The following FH variants were observed in gnomAD, a reference collection of about 807,000 sequenced individuals.
The protein encoded by FH is fumarate hydratase, mitochondrial.
FH carries 22 observed loss-of-function variants against 49.4 expected under a neutral mutation model. The ratio of observed to expected loss-of-function variants is 0.45; its 90% CI spans 0.32 to 0.64. The LOEUF is 0.64. Among genes scored for constraint, FH ranks in the 30% least tolerant of loss-of-function variants. The probability of loss-of-function intolerance (pLI) is 0.05; values close to 1 mark genes in which losing one functional copy is unlikely to be tolerated. For synonymous variants in FH, 208 were observed against 223.0 expected, an observed-to-expected ratio of 0.93 and a Z score of 0.60; for missense variants, 526 against 641.5, an observed-to-expected ratio of 0.82 and a Z score of 1.95.
In FH at chr1:241,519,575, G is replaced by C; in HGVS notation, c.132+16C>G. 6.5e-7 allele frequency: 1 copy of C among 1,545,476 alleles called. No individual in the cohort carries two copies. The highest frequency in any genetic ancestry group is 8.7e-7 in the Non-Finnish European group (1 of 1,145,322). On this transcript the variant is annotated intron_variant, in intron 1 of 9. Transcript: ENST00000366560. ...GGTCACTGCGGGGAGGCCGGGGGATGGCGGCCTGCGCTCACCATTCGAGCC... is the reference window on the plus strand; with the variant it reads ...GGTCACTGCGGGGAGGCCGGGGGATCGCGGCCTGCGCTCACCATTCGAGCC...
chr1:241,499,092 T>C (rs1659701192), intron 9 of FH, among the ~76,000 whole-genome samples: 1 of 152,116 alleles, frequency 6.6e-6, no homozygotes, highest in Admixed American at 6.6e-5. Flanking sequence ...CCAGTACTTT[T>C]ATTTTAATAA....
chr1:241,502,551 C>A lies in FH; in HGVS notation c.1128G>T (p.Gln376His), dbSNP rs1467002768. 2 of 1,613,992 alleles carry A rather than the reference C, an allele frequency of 1.2e-6. No homozygotes were observed. The highest frequency in any genetic ancestry group is 1.3e-5 in the African/African-American group (1 of 74,906). Residue 376 changes from glutamine to histidine, a missense_variant, in exon 8 of 10, where the codon CAG (glutamine) becomes CAT (histidine). Gln to His is a conservative substitution (Grantham distance 24). Transcript: ENST00000366560. The stretch of plus-strand genomic sequence containing the variant: ...CTGCAACCATGGTCATTGCTTCACA[C>A]TGAGTAGGGTTCACCTTGCCTTCAA... Reference protein sequence around the residue: ...SIMPGKVNPTQCEAMTMVAAQ... With the variant: ...SIMPGKVNPTHCEAMTMVAAQ...
chr1:241,516,278 A>T (rs944238235), intron 2 of FH, among the ~76,000 whole-genome samples: 1 of 152,194 alleles, frequency 6.6e-6, no homozygotes, highest in Non-Finnish European at 1.5e-5. Flanking sequence ...TCCATCAATA[A>T]AGGATAAAGA....
intron 4 of FH, among the ~76,000 whole-genome samples, chr1:241,510,166 A>G (rs971745761): frequency 6.6e-6 from 1 of 152,222 alleles, no homozygotes; most frequent in African/African-American, 2.4e-5. Flanking sequence ...TTAAAAATAT[A>G]TTAAATTATA....
At chr1:241,504,290 A>C in intron 6 of FH, 45 bp from the exon 7 acceptor site, 1 of 1,558,330 alleles carries the variant, frequency 6.4e-7, no homozygotes, top group Non-Finnish European at 8.8e-7. Context: ...AAGTTAAACT[A>C]AACATTTTTC....
intron 5 of FH, among the ~76,000 whole-genome samples, chr1:241,507,087 C>A (rs1364383862): frequency 6.6e-6 from 1 of 152,144 alleles, no homozygotes; most frequent in Non-Finnish European, 1.5e-5. Flanking sequence ...AGTCACGCAC[C>A]ACATAATGAT....
chr1:241,501,021 G>C (rs1035261671), intron 8 of FH, among the ~76,000 whole-genome samples: 1 of 152,140 alleles, frequency 6.6e-6, no homozygotes, highest in Non-Finnish European at 1.5e-5. Context: ...GCAGAGGTTC[G>C]AAAGTTCAGT....
At chr1:241,510,457 T>C (rs951705075) in intron 4 of FH, among the ~76,000 whole-genome samples, 3 of 152,064 alleles carry the variant, frequency 2.0e-5, no homozygotes, top group Non-Finnish European at 2.9e-5. Flanking sequence ...AAGAATAAAA[T>C]AAATAACCAT....
chr1:241,503,907 C>A, intron 7 of FH, 135 bp downstream of exon 7: 2 of 922,144 alleles, frequency 2.2e-6, no homozygotes, highest in Middle Eastern at 2.1e-4. Context: ...CAGAGGACCA[C>A]AGACATGCTG....
intron 9 of FH, among the ~76,000 whole-genome samples, chr1:241,499,850 T>C (rs941281882): frequency 6.6e-6 from 1 of 152,224 alleles, no homozygotes; most frequent in Non-Finnish European, 1.5e-5. Flanking sequence ...AATCTGTATG[T>C]TTGATTCTAC....
At chr1:241,511,125 T>C (rs1660072565) in intron 4 of FH, among the ~76,000 whole-genome samples, 1 of 152,166 alleles carries the variant, frequency 6.6e-6, no homozygotes, top group African/African-American at 2.4e-5. Flanking sequence ...AGGGTAATAG[T>C]ATTAGGAGAT....
Position 241,502,543 on chromosome 1 carries a change from G to A in FH, c.1136C>T (p.Ala379Val), listed in dbSNP as rs2147914999. ...GACTTGGGCTGCAACCATGGTCATT[G>A]CTTCACACTGAGTAGGGTTCACCTT... ...PGKVNPTQCE[A>V]MTMVAAQVMG... is the part of the protein sequence containing the mutation. The change falls in exon 8 of 10, where the codon GCA becomes GTA. Residue 379 changes from alanine (A) to valine (V), a missense_variant. By Grantham distance (64) the Ala-to-Val change is moderately conservative. Coordinates refer to ENST00000366560, the MANE Select transcript of FH (RefSeq NM_000143.4). 6.2e-7 allele frequency: 1 copy of A among 1,614,152 alleles called. No individual in the cohort carries two copies. Among genetic ancestry groups the A allele is most frequent in the Non-Finnish European group, 8.5e-7 (1 of 1,179,994 alleles).
At chr1:241,509,821 ACACG>A (rs1216002272) in intron 4 of FH, among the ~76,000 whole-genome samples, 9 of 145,664 alleles carry the variant, frequency 6.2e-5, no homozygotes, top group African/African-American at 2.0e-4. Flanking sequence ...ACACACACAC[ACACG>A]CATGCACACA....
chr1:241,501,697 G>C (rs1253955208), intron 8 of FH, among the ~76,000 whole-genome samples: 1 of 152,168 alleles, frequency 6.6e-6, no homozygotes, highest in African/African-American at 2.4e-5. Context: ...GAGATTCCAA[G>C]AGAAAGTAAG....
chr1:241,502,339 C>T, intron 8 of FH, 104 bp downstream of exon 8: 1 of 1,317,120 alleles, frequency 7.6e-7, no homozygotes, highest in Non-Finnish European at 1.1e-6. Context: ...CTACTTATGT[C>T]ACCCAACTAC....
chr1:241,508,723 T>G lies in FH; in HGVS notation c.618A>C (p.Val206=), dbSNP rs2147919618. 6.2e-7 allele frequency: 1 copy of G among 1,612,934 alleles called. No individual in the cohort carries two copies. Among genetic ancestry groups the G allele is most frequent in the Non-Finnish European group, 8.5e-7 (1 of 1,178,954 alleles). ...GTAACTTCTGTAGTCCTGGTAACAG[T>G]ACTTCATGAACTTCTATTGCAGCAG... ...HIAAAIEVHE[V]LLPGLQKLHD... is the part of the protein sequence containing the mutation. Residue 206 remains valine, a synonymous_variant, in exon 5 of 10, where the codon GTA becomes GTC. Transcript: ENST00000366560.
intron 3 of FH, among the ~76,000 whole-genome samples, chr1:241,512,910 GGTGTGT>G (rs10548903): frequency 8.1e-5 from 12 of 148,344 alleles, no homozygotes; most frequent in African/African-American, 2.5e-4. Flanking sequence ...ATGCAATGAG[GGTGTGT>G]GTGTGTGTGT....
chr1:241,500,346 G>C, intron 9 of FH, 91 bp downstream of exon 9: 1 of 1,276,622 alleles, frequency 7.8e-7, no homozygotes, highest in Non-Finnish European at 1.1e-6. Context: ...GAAATTTGCT[G>C]TTCTCAAACA....
Position 241,509,040 on chromosome 1 carries a change from C to T in FH, c.556-255G>A, listed in dbSNP as rs1049476534. 8.1e-5 allele frequency among the ~76,000 whole-genome samples: 12 copies of T among 148,582 alleles called. No homozygotes were observed. The South Asian group carries it at 1.9e-3, about 23-fold the overall frequency. The stretch of plus-strand genomic sequence containing the variant: ...TGTATTATGTATTATATATGTATTA[C>T]GTATTATATTATATTATGTATTATA... On this transcript the variant is annotated intron_variant, in intron 4 of 9. Coordinates refer to ENST00000366560, the MANE Select transcript of FH (RefSeq NM_000143.4).
Sources: allele counts gnomAD v4.1 joint callset (sites outside exome capture counted in the v4.1 genomes callset), GRCh38; gene constraint gnomAD v4.1.1; transcripts MANE v1.5; gene names NCBI Gene and HGNC (gene_info 2026-07-23, HGNC 2026-07-21).